The following PCDH9 variants were observed in gnomAD, a reference collection of about 807,000 sequenced individuals.
PCDH9 encodes protocadherin 9.
Under a neutral mutation model 70.6 loss-of-function variants are expected in PCDH9, and 24 were observed. The observed-to-expected ratio is 0.34, with a 90% CI of 0.25 to 0.48. The LOEUF (loss-of-function observed/expected upper bound fraction) is 0.48. Ranked by LOEUF, PCDH9 falls within the 20% of genes least tolerant of loss-of-function variation. The pLI, the probability that PCDH9 is intolerant of heterozygous loss-of-function variation, is 0.99. For synonymous variants in PCDH9, 562 were observed against 558.5 expected, an observed-to-expected ratio of 1.01 and a Z score of -0.09; for missense variants, 1,281 against 1,503.6, an observed-to-expected ratio of 0.85 and a Z score of 2.45.
chr13:66,492,662 C>T (rs1200173246), intron 4 of PCDH9, among the ~76,000 whole-genome samples: 2 of 151,830 alleles, frequency 1.3e-5, no homozygotes, highest in Admixed American at 6.6e-5. Context: ...TATAAATAAC[C>T]ACCAGGTGCC....
chr13:67,222,119 T>C (rs1201681551), intron 2 of PCDH9: 1 of 152,088 alleles, frequency 6.6e-6, no homozygotes, highest in African/African-American at 2.4e-5. Flanking sequence ...TAAAACAATA[T>C]CTGTCAACAA....
intron 4 of PCDH9, among the ~76,000 whole-genome samples, chr13:66,515,501 G>T (rs145291835): frequency 0.011 from 1,646 of 151,684 alleles, 39 homozygotes; most frequent in East Asian, 0.092. Flanking sequence ...TATCATATAC[G>T]GTTTTAAAAA....
chr13:67,176,936 C>CT (rs1021068039), intron 2 of PCDH9, among the ~76,000 whole-genome samples: 20 of 152,004 alleles, frequency 1.3e-4, no homozygotes, highest in Admixed American at 1.3e-4. Context: ...AAAGACAGTA[C>CT]AACAGTTGAG....
intron 3 of PCDH9, among the ~76,000 whole-genome samples, chr13:66,801,704 T>C (rs2080329499): frequency 6.6e-6 from 1 of 152,084 alleles, no homozygotes; most frequent in Non-Finnish European, 1.5e-5. Context: ...GGATTAACTA[T>C]CAGTTTTTGG....
At chr13:67,097,091 C>CAAA (rs11454471) in intron 2 of PCDH9, among the ~76,000 whole-genome samples, 2 of 142,268 alleles carry the variant, frequency 1.4e-5, no homozygotes, top group African/African-American at 2.6e-5. Context: ...ACAGAAAATA[C>CAAA]AAAAAAAAAA....
At chr13:66,737,928 C>T (rs1288022748) in intron 3 of PCDH9, among the ~76,000 whole-genome samples, 6 of 151,982 alleles carry the variant, frequency 3.9e-5, no homozygotes, top group Admixed American at 3.3e-4. Flanking sequence ...GAGGGGCGCC[C>T]GCCATTGCCC....
At chr13:67,027,961 A>T (rs2084821914) in intron 2 of PCDH9, among the ~76,000 whole-genome samples, 1 of 150,330 alleles carries the variant, frequency 6.7e-6, no homozygotes, top group South Asian at 2.1e-4. Flanking sequence ...ACACTTTTAC[A>T]CTGTTGGTGG....
intron 4 of PCDH9, among the ~76,000 whole-genome samples, chr13:66,484,229 G>A (rs1306269265): frequency 6.6e-6 from 1 of 152,128 alleles, no homozygotes; most frequent in Non-Finnish European, 1.5e-5. Flanking sequence ...TAATTGAGTT[G>A]GTTAACACCA....
At chr13:66,958,297 A>T (rs191417693) in intron 2 of PCDH9, among the ~76,000 whole-genome samples, 1 of 152,234 alleles carries the variant, frequency 6.6e-6, no homozygotes, top group Non-Finnish European at 1.5e-5. Context: ...GACTGGATGA[A>T]AAACACGGAA....
chr13:67,122,584 C>T (rs1157812811), intron 2 of PCDH9, among the ~76,000 whole-genome samples: 10 of 151,694 alleles, frequency 6.6e-5, no homozygotes, highest in Middle Eastern at 3.4e-3. Flanking sequence ...ACCATCTTGG[C>T]CAACATGGTG....
intron 3 of PCDH9, among the ~76,000 whole-genome samples, chr13:66,659,844 C>T (rs1377314036): frequency 9.9e-5 from 15 of 151,848 alleles, no homozygotes; most frequent in Non-Finnish European, 1.0e-4. Flanking sequence ...CTAGGACTAG[C>T]GCATGTACAA....
At chr13:67,141,413 T>C (rs1041447771) in intron 2 of PCDH9, among the ~76,000 whole-genome samples, 1 of 151,542 alleles carries the variant, frequency 6.6e-6, no homozygotes, top group Non-Finnish European at 1.5e-5. Flanking sequence ...TATAGTAAGA[T>C]CTTCTCTCTC....
At chr13:66,484,835 A>C (rs957383551) in intron 4 of PCDH9, among the ~76,000 whole-genome samples, 2 of 152,346 alleles carry the variant, frequency 1.3e-5, no homozygotes, top group African/African-American at 4.8e-5. Flanking sequence ...TTATGTGCAT[A>C]TCTCTCTGGC....
At chr13:66,698,391 G>T (rs1396399578) in intron 3 of PCDH9, among the ~76,000 whole-genome samples, 1 of 152,070 alleles carries the variant, frequency 6.6e-6, no homozygotes, top group Non-Finnish European at 1.5e-5. Context: ...TCTAAAATAT[G>T]GTTTGAATTT....
At chr13:66,738,445 C>A (rs1040162540) in intron 3 of PCDH9, among the ~76,000 whole-genome samples, 1 of 150,624 alleles carries the variant, frequency 6.6e-6, no homozygotes, top group African/African-American at 2.4e-5. Flanking sequence ...CTCTCCTCCT[C>A]CAAAGGAACG....
chr13:66,876,007 T>C (rs1011345666), intron 3 of PCDH9, among the ~76,000 whole-genome samples: 2 of 152,176 alleles, frequency 1.3e-5, no homozygotes, highest in African/African-American at 4.8e-5. Context: ...TAGATACTGC[T>C]GACCATCAAA....
intron 4 of PCDH9, among the ~76,000 whole-genome samples, chr13:66,449,767 G>A (rs890742748): frequency 5.9e-5 from 9 of 151,718 alleles, no homozygotes; most frequent in African/African-American, 2.2e-4. Flanking sequence ...TATCCCAATC[G>A]TACAGTAATA....
chr13:66,796,765 T>G (rs975633424), intron 3 of PCDH9, among the ~76,000 whole-genome samples: 4 of 152,134 alleles, frequency 2.6e-5, no homozygotes, highest in Admixed American at 6.6e-5. Context: ...TATAGACATA[T>G]AAATACATAA....
At chr13:66,836,422 G>A (rs2081018993) in intron 3 of PCDH9, among the ~76,000 whole-genome samples, 1 of 151,670 alleles carries the variant, frequency 6.6e-6, no homozygotes, top group African/African-American at 2.4e-5. Context: ...CCTTTTGTTT[G>A]AAATGTCTTG....
Sources: gnomAD v4.1 joint callset for allele counts (sites outside exome capture counted in the v4.1 genomes callset) on GRCh38, gnomAD v4.1.1 for gene constraint, MANE v1.5 for transcripts, NCBI Gene and HGNC (gene_info 2026-07-23, HGNC 2026-07-21) for gene names.